CDH12: variants seen among roughly 807,000 people sequenced by gnomAD.
CDH12 encodes cadherin 12, also known as cadherin-12.
Under a neutral mutation model 74.1 loss-of-function variants are expected in CDH12, and 41 were observed. The ratio of observed to expected loss-of-function variants is 0.55; its 90% CI spans 0.43 to 0.72. The LOEUF (loss-of-function observed/expected upper bound fraction) is 0.72, where lower values mean the gene tolerates loss of function less well. Ranked by LOEUF, CDH12 falls within the 30% of genes least tolerant of loss-of-function variation. The probability of loss-of-function intolerance (pLI) is 0.00; values close to 1 mark genes in which losing one functional copy is unlikely to be tolerated. For missense variants in CDH12, 945 were observed against 977.2 expected, an observed-to-expected ratio of 0.97 and a Z score of 0.44; for synonymous variants, 399 against 355.0, an observed-to-expected ratio of 1.12 and a Z score of -1.39.
At chr5:22,494,682 T>C (rs558822411) in intron 2 of CDH12, among the ~76,000 whole-genome samples, 49 of 152,316 alleles carry the variant, frequency 3.2e-4, no homozygotes, top group African/African-American at 1.2e-3. Context: ...CAAGAACCTA[T>C]TGATGATGTT....
intron 3 of CDH12, among the ~76,000 whole-genome samples, chr5:22,254,067 T>C (rs1292857683): frequency 6.6e-6 from 1 of 151,864 alleles, no homozygotes; most frequent in African/African-American, 2.4e-5. Flanking sequence ...TTGAGTTCTC[T>C]TTTCAAGAGA....
chr5:22,295,815 C>T (rs1202765644), intron 3 of CDH12, among the ~76,000 whole-genome samples: 1 of 152,054 alleles, frequency 6.6e-6, no homozygotes, highest in African/African-American at 2.4e-5. Flanking sequence ...GAATCTCTAT[C>T]TATGTTCCTG....
At chr5:22,590,829 C>T (rs1014099835) in intron 1 of CDH12, among the ~76,000 whole-genome samples, 2 of 152,100 alleles carry the variant, frequency 1.3e-5, no homozygotes, top group African/African-American at 4.8e-5. Flanking sequence ...TATGTTTCCT[C>T]CTATTTTCTT....
intron 1 of CDH12, among the ~76,000 whole-genome samples, chr5:22,544,689 C>T (rs1019658145): frequency 2.0e-5 from 3 of 151,978 alleles, no homozygotes; most frequent in Admixed American, 6.6e-5. Context: ...CAGTGGCACA[C>T]GCCTGTAGTA....
At chr5:22,717,124 C>T (rs1054231624) in intron 1 of CDH12, among the ~76,000 whole-genome samples, 2 of 152,122 alleles carry the variant, frequency 1.3e-5, no homozygotes, top group African/African-American at 4.8e-5. Context: ...ATAAAGTCTA[C>T]AGTAGTGTCC....
intron 4 of CDH12, chr5:22,139,328 G>A (rs1040401862): frequency 6.9e-5 from 10 of 144,658 alleles, no homozygotes; most frequent in Non-Finnish European, 1.4e-4. Context: ...GGAGCCCAAG[G>A]GTTTAAATTG....
intron 5 of CDH12, among the ~76,000 whole-genome samples, chr5:22,059,339 CT>C (rs1741009828): frequency 1.4e-4 from 6 of 42,880 alleles, no homozygotes; most frequent in African/African-American, 5.4e-4. Flanking sequence ...TATCTATCAT[CT>C]ATCTATCTAT....
chr5:22,586,712 A>G lies in CDH12; in HGVS notation c.-522-81348T>C, dbSNP rs367689208. On this transcript the variant is annotated intron_variant, in intron 1 of 14. Coordinates refer to ENST00000382254, the MANE Select transcript of CDH12 (RefSeq NM_004061.5). The stretch of plus-strand genomic sequence containing the variant: ...TTTGAAATATATTTTTTACTGTATC[A>G]ATGGGGTTATAGATTCACTGAATTC... Among the ~76,000 whole-genome samples the G allele has an allele frequency of 7.2e-5, 11 of 152,024 alleles. No individual in the cohort carries two copies. The East Asian group carries it at 1.5e-3, about 21-fold the overall frequency.
intron 6 of CDH12, among the ~76,000 whole-genome samples, chr5:21,925,741 A>T (rs1754555576): frequency 6.6e-6 from 1 of 152,154 alleles, no homozygotes; most frequent in Non-Finnish European, 1.5e-5. Context: ...TAATTGATGC[A>T]TTTTATATTA....
chr5:22,149,113 T>C (rs1747405686), intron 4 of CDH12, among the ~76,000 whole-genome samples: 2 of 152,044 alleles, frequency 1.3e-5, no homozygotes, highest in South Asian at 4.1e-4. Context: ...CAAGACTCCG[T>C]CTCAAAAAAT....
chr5:22,518,985 C>A (rs1013842243), intron 1 of CDH12, among the ~76,000 whole-genome samples: 1 of 152,266 alleles, frequency 6.6e-6, no homozygotes, highest in South Asian at 2.1e-4. Context: ...ATGGGGTGAC[C>A]TCCTGGTACC....
chr5:22,785,242 A>G (rs1464189301), intron 1 of CDH12, among the ~76,000 whole-genome samples: 1 of 152,128 alleles, frequency 6.6e-6, no homozygotes, highest in Admixed American at 6.6e-5. Context: ...TTTAATCTCA[A>G]GAGTCATTCA....
At chr5:21,930,387 G>T (rs1561307419) in intron 6 of CDH12, among the ~76,000 whole-genome samples, 1 of 152,150 alleles carries the variant, frequency 6.6e-6, no homozygotes, top group African/African-American at 2.4e-5. Context: ...ACATTATGTG[G>T]AAGTTTTTAC....
At chr5:22,699,215 C>T (rs918582319) in intron 1 of CDH12, among the ~76,000 whole-genome samples, 1 of 152,068 alleles carries the variant, frequency 6.6e-6, no homozygotes, top group Non-Finnish European at 1.5e-5. Context: ...TATCATCTGT[C>T]TTTTAGAACT....
intron 2 of CDH12, among the ~76,000 whole-genome samples, chr5:22,462,823 C>T (rs1226510885): frequency 1.3e-5 from 2 of 152,060 alleles, no homozygotes; most frequent in Non-Finnish European, 2.9e-5. Flanking sequence ...ATAAGGTGTC[C>T]ACTAAAGCAG....
At chr5:22,581,586 G>A (rs1258999453) in intron 1 of CDH12, among the ~76,000 whole-genome samples, 1 of 152,162 alleles carries the variant, frequency 6.6e-6, no homozygotes, top group African/African-American at 2.4e-5. Flanking sequence ...GGAAAATGTG[G>A]GGTCAGGGCC....
intron 5 of CDH12, among the ~76,000 whole-genome samples, chr5:22,067,537 T>C (rs1337748854): frequency 6.6e-6 from 1 of 152,124 alleles, no homozygotes. Flanking sequence ...GGCTCTGAGA[T>C]AGATGCAGTC....
chr5:22,448,472 G>C (rs1040171386), intron 2 of CDH12, among the ~76,000 whole-genome samples: 5 of 151,916 alleles, frequency 3.3e-5, no homozygotes, highest in Admixed American at 1.3e-4. Flanking sequence ...AAGTTGAGTA[G>C]AAAACAGATC....
At chr5:21,805,102 G>C (rs983664974) in intron 9 of CDH12, among the ~76,000 whole-genome samples, 4 of 152,052 alleles carry the variant, frequency 2.6e-5, no homozygotes, top group African/African-American at 9.7e-5. Flanking sequence ...AAATTGAGCT[G>C]ACCTGGCTCA....
Sources: allele counts gnomAD v4.1 joint callset (sites outside exome capture counted in the v4.1 genomes callset), GRCh38; gene constraint gnomAD v4.1.1; transcripts MANE v1.5; gene names NCBI Gene and HGNC (gene_info 2026-07-23, HGNC 2026-07-21).